Variants in SH3GL2 observed in about 807,000 individuals in gnomAD.
SH3GL2 encodes endophilin-A1.
In SH3GL2, 24 loss-of-function variants were observed where a neutral mutation model predicts 46.0. The observed-to-expected ratio is 0.52, with a 90% CI of 0.38 to 0.73. SH3GL2 has a LOEUF of 0.73. Among genes scored for constraint, SH3GL2 ranks in the 30% least tolerant of loss-of-function variants. The probability of loss-of-function intolerance (pLI) is 0.00; values close to 1 mark genes in which losing one functional copy is unlikely to be tolerated. For missense variants in SH3GL2, 413 were observed against 424.2 expected (o/e 0.97, Z 0.23); for synonymous variants, 196 against 147.1 (o/e 1.33, Z -2.40).
At chr9:17,708,199 C>G (rs1382225111) in intron 1 of SH3GL2, among the ~76,000 whole-genome samples, 1 of 152,028 alleles carries the variant, frequency 6.6e-6, no homozygotes, top group African/African-American at 2.4e-5. Context: ...TTCCCAGGTT[C>G]TGTGCCTGCT....
At chr9:17,657,350 A>G (rs1224893330) in intron 1 of SH3GL2, among the ~76,000 whole-genome samples, 1 of 151,736 alleles carries the variant, frequency 6.6e-6, no homozygotes, top group Non-Finnish European at 1.5e-5. Context: ...GCATGATAGG[A>G]GAGAGAGAGA....
chr9:17,628,695 A>G (rs1434003588), intron 1 of SH3GL2, among the ~76,000 whole-genome samples: 1 of 152,014 alleles, frequency 6.6e-6, no homozygotes, highest in Non-Finnish European at 1.5e-5. Context: ...TTTAATTTCA[A>G]CCAAAAAGTT....
At chr9:17,708,254 T>C (rs1288409090) in intron 1 of SH3GL2, among the ~76,000 whole-genome samples, 1 of 152,028 alleles carries the variant, frequency 6.6e-6, no homozygotes, top group African/African-American at 2.4e-5. Context: ...ATTTTTCCCT[T>C]CATTTTTCTA....
intron 2 of SH3GL2, among the ~76,000 whole-genome samples, chr9:17,760,811 G>A (rs1034933035): frequency 1.3e-5 from 2 of 152,120 alleles, no homozygotes; most frequent in Admixed American, 1.3e-4. Context: ...CCTCTTTCAA[G>A]TGGGGAGAGG....
chr9:17,657,613 G>A (rs768770752), intron 1 of SH3GL2, among the ~76,000 whole-genome samples: 1 of 152,218 alleles, frequency 6.6e-6, no homozygotes, highest in Non-Finnish European at 1.5e-5. Flanking sequence ...CTGGGGTAAT[G>A]TGCCTGAATG....
intron 1 of SH3GL2, among the ~76,000 whole-genome samples, chr9:17,716,080 ATATT>A (rs1282927018): frequency 6.6e-6 from 1 of 152,040 alleles, no homozygotes; most frequent in Non-Finnish European, 1.5e-5. Flanking sequence ...GTGTATGTAT[ATATT>A]CTACATCTCT....
intron 1 of SH3GL2, among the ~76,000 whole-genome samples, chr9:17,699,090 G>C (rs1225995560): frequency 6.7e-6 from 1 of 149,146 alleles, no homozygotes; most frequent in African/African-American, 2.5e-5. Flanking sequence ...CAGAGGCAGA[G>C]GTTGCAGTGA....
rs58468065 is a variant in SH3GL2, at chr9:17,723,606, C to T, written c.46-23460C>T. ...TCTATTTAACCTTTAATGGAAAGGT[C>T]GGTTTCAGATAAAGTCTTTTGACAA... On this transcript the variant is annotated intron_variant, in intron 1 of 8. Transcript: ENST00000380607. Among the ~76,000 whole-genome samples, 732 of 152,132 alleles carry T rather than the reference C, an allele frequency of 4.8e-3. 6 individuals are homozygous for T. The highest frequency in any genetic ancestry group is 6.3e-3 in the Non-Finnish European group (431 of 67,996).
chr9:17,596,404 G>T (rs73641994), intron 1 of SH3GL2, among the ~76,000 whole-genome samples: 1 of 151,372 alleles, frequency 6.6e-6, no homozygotes, highest in Admixed American at 6.6e-5. Context: ...CTGTTTTTTC[G>T]TAAAGGGAAA....
At chr9:17,758,768 C>G (rs1823082416) in intron 2 of SH3GL2, among the ~76,000 whole-genome samples, 1 of 114,008 alleles carries the variant, frequency 8.8e-6, no homozygotes, top group Admixed American at 8.4e-5. Flanking sequence ...TTAGGTAGAA[C>G]TTGCTCTGTA....
chr9:17,774,057 TATTGTAAATGGA>T (rs1213904133), intron 3 of SH3GL2, among the ~76,000 whole-genome samples: 1 of 152,162 alleles, frequency 6.6e-6, no homozygotes, highest in Non-Finnish European at 1.5e-5. Flanking sequence ...TTTTTGATAC[TATTGTAAATGGA>T]ATTAACCTTT....
At chr9:17,658,134 C>G (rs1459449126) in intron 1 of SH3GL2, among the ~76,000 whole-genome samples, 2 of 152,210 alleles carry the variant, frequency 1.3e-5, no homozygotes, top group Non-Finnish European at 1.5e-5. Context: ...ATATACTCTT[C>G]TTTAGTTGCA....
rs754840442 is a variant in SH3GL2 at position 17,603,578 on chromosome 9, C to T, written c.45+24291C>T. ...GATGGTTGCATAAAACATGAATACACGGCTGGGCGTGGTGGCTCACTCCTG... is the reference window on the plus strand; with the variant it reads ...GATGGTTGCATAAAACATGAATACATGGCTGGGCGTGGTGGCTCACTCCTG... On this transcript the variant is annotated intron_variant, in intron 1 of 8. Coordinates refer to ENST00000380607, the MANE Select transcript of SH3GL2 (RefSeq NM_003026.5). Among the ~76,000 whole-genome samples the T allele has an allele frequency of 4.6e-5, 7 of 152,112 alleles. No homozygotes were observed. In the East Asian group the frequency reaches 9.7e-4, roughly 21 times the overall value.
chr9:17,719,632 A>T (rs145409090), intron 1 of SH3GL2, among the ~76,000 whole-genome samples: 3 of 152,178 alleles, frequency 2.0e-5, no homozygotes, highest in African/African-American at 4.8e-5. Context: ...TCTACCAAAA[A>T]ATAAAAAAAA....
intron 1 of SH3GL2, chr9:17,589,048 T>C (rs1818430786): frequency 6.6e-6 from 1 of 152,224 alleles, no homozygotes; most frequent in Non-Finnish European, 1.5e-5. Context: ...TGTATATTAA[T>C]CTATTTGTGA....
chr9:17,724,175 A>T (rs938127791), intron 1 of SH3GL2, among the ~76,000 whole-genome samples: 5 of 151,300 alleles, frequency 3.3e-5, no homozygotes, highest in Admixed American at 6.6e-5. Flanking sequence ...TTTCTTCTTT[A>T]TTTCCTCTCT....
At chr9:17,750,372 G>A (rs1822808857) in intron 2 of SH3GL2, among the ~76,000 whole-genome samples, 1 of 152,034 alleles carries the variant, frequency 6.6e-6, no homozygotes, top group South Asian at 2.1e-4. Context: ...GCATTACTGG[G>A]AGAGAGAAGT....
Position 17,793,374 on chromosome 9 carries a change from C to T in SH3GL2, c.736C>T (p.Gln246Ter), listed in dbSNP as rs768458601. 1 of 1,610,566 alleles carries T rather than the reference C, an allele frequency of 6.2e-7. No individual in the cohort carries two copies. The highest frequency in any genetic ancestry group is 8.5e-7 in the Non-Finnish European group (1 of 1,178,362). ...VTVRLEERIR[Q>*]ASSQPRREYQ... ...CTTTTCTTTTTACTGCAGAATAAGA[C>T]AGGCTTCATCTCAGCCTAGAAGGGA... Residue 246 changes from glutamine to a stop codon, truncating the protein, a stop_gained, in exon 8 of 9, where the codon CAG becomes TAG. Coordinates refer to ENST00000380607, the MANE Select transcript of SH3GL2 (RefSeq NM_003026.5). LOFTEE classifies it high-confidence loss of function.
intron 1 of SH3GL2, among the ~76,000 whole-genome samples, chr9:17,679,753 T>C (rs1402855182): frequency 1.3e-5 from 2 of 152,196 alleles, no homozygotes; most frequent in Non-Finnish European, 2.9e-5. Context: ...CAGTATGATA[T>C]TGGCTGTGGG....
Sources: gnomAD v4.1 joint callset for allele counts (sites outside exome capture counted in the v4.1 genomes callset) on GRCh38, gnomAD v4.1.1 for gene constraint, MANE v1.5 for transcripts, NCBI Gene and HGNC (gene_info 2026-07-23, HGNC 2026-07-21) for gene names.